AGBL1: variants seen among roughly 807,000 people sequenced by gnomAD.
AGBL1 encodes cytosolic carboxypeptidase 4.
Under a neutral mutation model 118.9 loss-of-function variants are expected in AGBL1, and 130 were observed. The observed-to-expected ratio is 1.09, with a 90% CI of 0.95 to 1.26. AGBL1 has a LOEUF of 1.26. Among genes scored for constraint, AGBL1 ranks in the 50% most tolerant of loss-of-function variants. The pLI is 0.00. For synonymous variants in AGBL1, 555 were observed against 478.9 expected, an observed-to-expected ratio of 1.16 and a Z score of -2.08; for missense variants, 1,584 against 1,298.1, an observed-to-expected ratio of 1.22 and a Z score of -3.38.
chr15:86,876,159 G>A (rs1309052502), intron 22 of AGBL1, among the ~76,000 whole-genome samples: 3 of 152,154 alleles, frequency 2.0e-5, no homozygotes, highest in African/African-American at 7.2e-5. Flanking sequence ...CTACATAGCT[G>A]CCATCCTGTA....
At chr15:86,804,210 G>A (rs772139726) in intron 22 of AGBL1, among the ~76,000 whole-genome samples, 6 of 152,228 alleles carry the variant, frequency 3.9e-5, no homozygotes, top group Non-Finnish European at 5.9e-5. Context: ...TTAAACATTC[G>A]TGAATCTGAG....
chr15:86,264,467 A>C lies in AGBL1; in HGVS notation c.1296A>C (p.Lys432Asn). 1 of 1,614,026 alleles carries C rather than the reference A, an allele frequency of 6.2e-7. No homozygotes were observed. The highest frequency in any genetic ancestry group is 8.5e-7 in the Non-Finnish European group (1 of 1,179,894). ...CCACTGTGCATCTAGGCTCCAAAAA[A>C]AATCCTGGAGTGAACCTGTACCAAA... ...GRSTVHLGSK[K>N]NPGVNLYQNV... Residue 432 changes from lysine (K) to asparagine (N), a missense_variant, in exon 11 of 23, where the codon AAA becomes AAC. Physicochemically the swap from Lys to Asn is moderately conservative, Grantham distance 94. Coordinates refer to ENST00000614907, the MANE Select transcript of AGBL1 (RefSeq NM_001386094.1).
chr15:86,110,926 C>T (rs371988577), intron 1 of AGBL1, among the ~76,000 whole-genome samples: 13 of 152,300 alleles, frequency 8.5e-5, no homozygotes, highest in South Asian at 4.1e-4. Context: ...CGAGTTTTCC[C>T]AATACAGCCA....
At chr15:86,505,593 A>C (rs1355480666) in intron 18 of AGBL1, among the ~76,000 whole-genome samples, 6 of 151,984 alleles carry the variant, frequency 3.9e-5, no homozygotes, top group African/African-American at 1.4e-4. Flanking sequence ...TTTGAATTCC[A>C]GAAATTATAT....
At chr15:86,478,957 A>T (rs867495533) in intron 18 of AGBL1, among the ~76,000 whole-genome samples, 6 of 152,340 alleles carry the variant, frequency 3.9e-5, no homozygotes, top group African/African-American at 1.2e-4. Context: ...ATCTTTGACA[A>T]ACCTGACAAA....
At chr15:86,614,525 C>G (rs1414109070) in intron 21 of AGBL1, among the ~76,000 whole-genome samples, 1 of 152,164 alleles carries the variant, frequency 6.6e-6, no homozygotes, top group Non-Finnish European at 1.5e-5. Context: ...TGATGGAATA[C>G]TGATAAAACA....
At chr15:86,422,329 A>G (rs2081802614) in intron 18 of AGBL1, among the ~76,000 whole-genome samples, 1 of 152,200 alleles carries the variant, frequency 6.6e-6, no homozygotes, top group Non-Finnish European at 1.5e-5. Flanking sequence ...AAACTGAACA[A>G]CCTGCTCCTG....
At position 86,492,459 on chromosome 15, in the gene AGBL1, G is replaced by A. The variant is rs1227532846; in HGVS notation, c.2556-30351G>A. On this transcript the variant is annotated intron_variant, in intron 18 of 22. Transcript: ENST00000614907. The stretch of plus-strand genomic sequence containing the variant: ...ACAAAAATTAGCTGGGTGTGGTGAT[G>A]TGCATCTGTAATCCCAGCTACATGG... 2.0e-5 allele frequency among the ~76,000 whole-genome samples: 3 copies of A among 152,034 alleles called. 1 individual carries two copies. The South Asian group carries it at 6.2e-4, about 32-fold the overall frequency.
rs1231412909 is a variant in AGBL1, at chr15:86,541,616, A to AAGAG, written c.2686-4370_2686-4367dup. 2.0e-3 allele frequency among the ~76,000 whole-genome samples: 197 copies of AAGAG among 97,064 alleles called. 1 individual carries two copies. Among genetic ancestry groups the AAGAG allele is most frequent in the African/African-American group, 6.8e-3 (162 of 23,674 alleles). The allele number at this position is 97,064 out of a possible 152,430, so 63.7% of individuals were successfully genotyped here. A position where few individuals can be genotyped will look rare whatever the true frequency, so the allele number is the denominator to read the frequency against. ...CTCAAAAAAAAAAAAAAAAAAAAAA[A>AAGAG]AGAGAGAGAGAGAGAGAGACCCACT... On this transcript the variant is annotated intron_variant, in intron 19 of 22. Coordinates refer to ENST00000614907, the MANE Select transcript of AGBL1 (RefSeq NM_001386094.1).
chr15:86,840,002 A>G (rs535388609), intron 22 of AGBL1, among the ~76,000 whole-genome samples: 86 of 152,202 alleles, frequency 5.7e-4, no homozygotes, highest in Non-Finnish European at 1.0e-3. Context: ...GAAGGTTTAT[A>G]GTATCTCAGT....
intron 5 of AGBL1, among the ~76,000 whole-genome samples, chr15:86,178,163 T>A (rs1280967193): frequency 6.6e-6 from 1 of 151,932 alleles, no homozygotes. Flanking sequence ...AATACAAAAA[T>A]TTAGTTGGGT....
intron 22 of AGBL1, among the ~76,000 whole-genome samples, chr15:86,710,012 G>A (rs1474195734): frequency 1.3e-5 from 2 of 152,168 alleles, no homozygotes; most frequent in Non-Finnish European, 2.9e-5. Context: ...ATGCATAGCT[G>A]GTTCTAACAC....
At chr15:86,684,233 T>C (rs2086013029) in intron 22 of AGBL1, among the ~76,000 whole-genome samples, 3 of 152,170 alleles carry the variant, frequency 2.0e-5, no homozygotes, top group Admixed American at 1.3e-4. Flanking sequence ...CTTAGATTAC[T>C]GATTTAGAAG....
chr15:86,653,778 A>G (rs567973060), intron 21 of AGBL1, among the ~76,000 whole-genome samples: 1 of 152,136 alleles, frequency 6.6e-6, no homozygotes, highest in Non-Finnish European at 1.5e-5. Flanking sequence ...TTGGTGCTCA[A>G]TAGCTGCAGA....
In AGBL1 at chr15:86,910,122, C is replaced by T. The variant is rs550401891; in HGVS notation, c.*2828C>T. 8.5e-5 allele frequency: 13 copies of T among 152,294 alleles called. No individual in the cohort carries two copies. The highest frequency in any genetic ancestry group is 5.8e-4 in the East Asian group (3 of 5,186). 9.4% of individuals were successfully genotyped at this position (152,294 alleles called of 1,614,324 possible). ...AACTCTGCAAAGAATATTACAAAAA[C>T]GCCTAATCTAATGGGGGTGGCAGTT... On this transcript the variant is annotated 3_prime_UTR_variant, in exon 23 of 23. Transcript: ENST00000614907.
intron 16 of AGBL1, among the ~76,000 whole-genome samples, chr15:86,293,317 GT>G (rs1430562983): frequency 6.6e-6 from 1 of 152,210 alleles, no homozygotes; most frequent in African/African-American, 2.4e-5. Context: ...GAAGACCAGG[GT>G]TTTGGGGTTG....
chr15:86,381,817 G>C (rs2081116740), intron 17 of AGBL1, among the ~76,000 whole-genome samples: 1 of 152,148 alleles, frequency 6.6e-6, no homozygotes, highest in Non-Finnish European at 1.5e-5. Context: ...ATTGTACTGT[G>C]GGGGTGCAGG....
chr15:86,445,699 C>T (rs999011799), intron 18 of AGBL1, among the ~76,000 whole-genome samples: 7 of 152,182 alleles, frequency 4.6e-5, no homozygotes, highest in African/African-American at 1.7e-4. Context: ...CTCCACCTGA[C>T]CTCAGATGAG....
intron 21 of AGBL1, among the ~76,000 whole-genome samples, chr15:86,663,450 C>T (rs2085583141): frequency 6.6e-6 from 1 of 152,106 alleles, no homozygotes; most frequent in African/African-American, 2.4e-5. Context: ...GAGATTACTC[C>T]TGCTAGTCAC....
Sources: gnomAD v4.1 joint callset for allele counts (sites outside exome capture counted in the v4.1 genomes callset) on GRCh38, gnomAD v4.1.1 for gene constraint, MANE v1.5 for transcripts, NCBI Gene and HGNC (gene_info 2026-07-23, HGNC 2026-07-21) for gene names.